GPC6: variants seen among roughly 807,000 people sequenced by gnomAD.
GPC6 encodes the protein glypican 6, also known as glypican-6.
A neutral mutation model predicts 55.2 loss-of-function variants in GPC6; 14 were observed. The ratio of observed to expected loss-of-function variants is 0.25; its 90% CI spans 0.17 to 0.40. The LOEUF (loss-of-function observed/expected upper bound fraction) is 0.40, where lower values mean the gene tolerates loss of function less well. Among genes scored for constraint, GPC6 ranks in the 10% least tolerant of loss-of-function variants. GPC6 has a pLI of 1.00. For missense variants in GPC6, 641 were observed against 708.5 expected (o/e 0.90, Z 1.08); for synonymous variants, 278 against 259.6 (o/e 1.07, Z -0.68).
intron 2 of GPC6, among the ~76,000 whole-genome samples, chr13:93,826,327 A>G (rs1162885809): frequency 6.6e-6 from 1 of 152,176 alleles, no homozygotes; most frequent in African/African-American, 2.4e-5. Flanking sequence ...ACAATTGCAT[A>G]CACATGTGTG....
intron 2 of GPC6, among the ~76,000 whole-genome samples, chr13:93,767,348 C>T (rs771253081): frequency 5.3e-5 from 8 of 152,150 alleles, no homozygotes; most frequent in Non-Finnish European, 1.0e-4. Context: ...CTCTATACCA[C>T]GGAAACTCAC....
chr13:93,530,566 G>T (rs1343061803), intron 1 of GPC6, among the ~76,000 whole-genome samples: 1 of 152,078 alleles, frequency 6.6e-6, no homozygotes, highest in Non-Finnish European at 1.5e-5. Flanking sequence ...AGTACTCTTA[G>T]CTCCGAGGAG....
chr13:93,659,291 A>G (rs1594349391), intron 2 of GPC6, among the ~76,000 whole-genome samples: 1 of 151,944 alleles, frequency 6.6e-6, no homozygotes, highest in Non-Finnish European at 1.5e-5. Context: ...AAGATGGTCT[A>G]AAGATACCAG....
chr13:93,392,780 GA>G (rs1324090721), intron 1 of GPC6, among the ~76,000 whole-genome samples: 6 of 152,090 alleles, frequency 3.9e-5, no homozygotes, highest in African/African-American at 1.4e-4. Flanking sequence ...TTTTTTACAT[GA>G]AGTACTATGG....
intron 1 of GPC6, among the ~76,000 whole-genome samples, chr13:93,484,472 C>T (rs1879632065): frequency 1.3e-5 from 2 of 152,072 alleles, no homozygotes; most frequent in Non-Finnish European, 2.9e-5. Flanking sequence ...TGCTGTGAAC[C>T]TCTTTTGGGA....
intron 1 of GPC6, among the ~76,000 whole-genome samples, chr13:93,490,273 G>T (rs1462285474): frequency 2.0e-5 from 3 of 151,208 alleles, no homozygotes; most frequent in Non-Finnish European, 4.4e-5. Context: ...AAATTAAATT[G>T]TTTTGAATCT....
intron 3 of GPC6, among the ~76,000 whole-genome samples, chr13:93,953,140 G>A (rs1478816261): frequency 1.3e-5 from 2 of 151,474 alleles, no homozygotes; most frequent in East Asian, 1.9e-4. Context: ...CTTCCCTCGT[G>A]GTTTTTGATT....
chr13:93,586,754 C>G (rs547188864), intron 2 of GPC6, among the ~76,000 whole-genome samples: 1 of 152,184 alleles, frequency 6.6e-6, no homozygotes, highest in African/African-American at 2.4e-5. Flanking sequence ...ATTGCCAAGA[C>G]CTTATCACAA....
intron 2 of GPC6, among the ~76,000 whole-genome samples, chr13:93,742,107 C>G (rs1341315187): frequency 6.6e-6 from 1 of 152,070 alleles, no homozygotes; most frequent in Non-Finnish European, 1.5e-5. Flanking sequence ...AGAACATGTA[C>G]CAAGTTTGAT....
At chr13:93,804,911 A>G (rs1886496556) in intron 2 of GPC6, among the ~76,000 whole-genome samples, 1 of 152,160 alleles carries the variant, frequency 6.6e-6, no homozygotes, top group Non-Finnish European at 1.5e-5. Flanking sequence ...TCTCCATCCT[A>G]GCAGAGCTGT....
intron 2 of GPC6, among the ~76,000 whole-genome samples, chr13:93,755,982 C>T (rs1301985988): frequency 6.6e-6 from 1 of 152,144 alleles, no homozygotes; most frequent in Admixed American, 6.5e-5. Context: ...CCACCAATAA[C>T]TTTATCTCAG....
intron 1 of GPC6, among the ~76,000 whole-genome samples, chr13:93,543,638 T>C (rs1882418662): frequency 6.6e-6 from 1 of 152,174 alleles, no homozygotes; most frequent in Non-Finnish European, 1.5e-5. Flanking sequence ...AATTCGGCTG[T>C]GAATCCATCG....
At chr13:93,338,078 G>A (rs1418453878) in intron 1 of GPC6, among the ~76,000 whole-genome samples, 4 of 152,046 alleles carry the variant, frequency 2.6e-5, no homozygotes, top group African/African-American at 9.7e-5. Flanking sequence ...ATAACATCAC[G>A]AGGAAGCTAC....
At chr13:93,878,699 A>G (rs1874760488) in intron 3 of GPC6, among the ~76,000 whole-genome samples, 1 of 152,088 alleles carries the variant, frequency 6.6e-6, no homozygotes, top group Admixed American at 6.6e-5. Context: ...CTCTTGTGCC[A>G]TGTGAAGACA....
intron 1 of GPC6, among the ~76,000 whole-genome samples, chr13:93,506,343 A>G (rs1880712825): frequency 6.6e-6 from 1 of 152,208 alleles, no homozygotes; most frequent in African/African-American, 2.4e-5. Context: ...TAACCATTTT[A>G]TCTTGGGAAA....
intron 1 of GPC6, among the ~76,000 whole-genome samples, chr13:93,263,528 G>C (rs1877222490): frequency 6.6e-6 from 1 of 151,714 alleles, no homozygotes; most frequent in African/African-American, 2.4e-5. Context: ...CCACTCCCGG[G>C]TAATTTTTGC....
intron 1 of GPC6, among the ~76,000 whole-genome samples, chr13:93,310,364 T>C (rs1879025180): frequency 6.6e-6 from 1 of 152,168 alleles, no homozygotes; most frequent in African/African-American, 2.4e-5. Context: ...TCCCAAGAGC[T>C]TGGGGTTTTG....
At chr13:94,396,334 A>G (rs1163810146) in intron 7 of GPC6, among the ~76,000 whole-genome samples, 2 of 152,224 alleles carry the variant, frequency 1.3e-5, no homozygotes, top group Non-Finnish European at 2.9e-5. Context: ...ATGGGGGTTC[A>G]TTATGTTATT....
intron 3 of GPC6, among the ~76,000 whole-genome samples, chr13:93,887,181 CATTT>C (rs1875391577): frequency 6.6e-6 from 1 of 151,814 alleles, no homozygotes; most frequent in South Asian, 2.1e-4. Context: ...TTCAAAAAGT[CATTT>C]GAGTCATTAA....
Sources: gnomAD v4.1 joint callset for allele counts (sites outside exome capture counted in the v4.1 genomes callset) on GRCh38, gnomAD v4.1.1 for gene constraint, MANE v1.5 for transcripts, NCBI Gene and HGNC (gene_info 2026-07-23, HGNC 2026-07-21) for gene names.